The following THSD7B variants were observed in gnomAD, a reference collection of about 807,000 sequenced individuals.
The protein encoded by THSD7B is thrombospondin type-1 domain-containing protein 7B.
A neutral mutation model predicts 213.6 loss-of-function variants in THSD7B; 138 were observed. The observed-to-expected ratio is 0.65, with a 90% CI of 0.56 to 0.74. The LOEUF (loss-of-function observed/expected upper bound fraction) is 0.74, where lower values mean the gene tolerates loss of function less well. Among genes scored for constraint, THSD7B ranks in the 30% least tolerant of loss-of-function variants. The probability of loss-of-function intolerance (pLI) is 0.00; values close to 1 mark genes in which losing one functional copy is unlikely to be tolerated. For synonymous variants in THSD7B, 742 were observed against 687.0 expected (o/e 1.08, Z -1.25); for missense variants, 1,931 against 1,991.5 (o/e 0.97, Z 0.58).
chr2:137,345,364 A>T (rs141221523), intron 12 of THSD7B, among the ~76,000 whole-genome samples: 360 of 151,888 alleles, frequency 2.4e-3, no homozygotes, highest in African/African-American at 8.4e-3. Flanking sequence ...CTTCAGAGAC[A>T]TAAGGAAAAA....
chr2:137,384,244 T>A (rs895391994), intron 12 of THSD7B, among the ~76,000 whole-genome samples: 1 of 152,204 alleles, frequency 6.6e-6, no homozygotes, highest in African/African-American at 2.4e-5. Context: ...GTCACAGGCT[T>A]ATCTGTCCTG....
At chr2:137,097,808 A>ACACACACC (rs573904266) in intron 4 of THSD7B, among the ~76,000 whole-genome samples, 1 of 148,740 alleles carries the variant, frequency 6.7e-6, no homozygotes, top group African/African-American at 2.5e-5. Context: ...ACACACACAC[A>ACACACACC]CCTTTAAAAC....
At chr2:137,474,318 T>C (rs1340052915) in intron 15 of THSD7B, among the ~76,000 whole-genome samples, 1 of 152,188 alleles carries the variant, frequency 6.6e-6, no homozygotes, top group Non-Finnish European at 1.5e-5. Context: ...ATTTAAGTCA[T>C]TAGACCTGGA....
intron 1 of THSD7B, among the ~76,000 whole-genome samples, chr2:136,778,369 T>A (rs750346733): frequency 5.3e-5 from 8 of 152,288 alleles, no homozygotes; most frequent in Non-Finnish European, 1.2e-4. Context: ...CACGTCTCCC[T>A]CCCGTGACTC....
intron 12 of THSD7B, among the ~76,000 whole-genome samples, chr2:137,334,998 T>C (rs1027375493): frequency 6.6e-5 from 10 of 152,178 alleles, no homozygotes; most frequent in African/African-American, 2.2e-4. Context: ...ACTTCTGCCA[T>C]GATTGTAAGT....
intron 1 of THSD7B, among the ~76,000 whole-genome samples, chr2:136,823,186 A>T (rs1682593596): frequency 6.6e-6 from 1 of 152,216 alleles, no homozygotes; most frequent in African/African-American, 2.4e-5. Context: ...TTTCTCAAAG[A>T]TAAAGGCAAG....
chr2:137,089,418 A>AG (rs1687910482), intron 3 of THSD7B, among the ~76,000 whole-genome samples: 1 of 150,598 alleles, frequency 6.6e-6, no homozygotes, highest in African/African-American at 2.4e-5. Context: ...ACACACACAT[A>AG]TATGTATATA....
rs557308940 is a variant in THSD7B at position 137,598,146 on chromosome 2, A to G, written c.3424-18029A>G. On this transcript the variant is annotated intron_variant, in intron 17 of 27. Transcript: ENST00000409968. ...TATGCACATATGCATATTTTTAATA[A>G]AGATCTAACAAATTCCAAGACATTA... is the stretch of plus-strand genomic sequence containing the variant. 3.3e-5 allele frequency among the ~76,000 whole-genome samples: 5 copies of G among 152,208 alleles called. No homozygotes were observed. In the East Asian group the frequency reaches 9.7e-4, roughly 29 times the overall value.
intron 13 of THSD7B, 113 bp from the exon 14 acceptor site, chr2:137,411,496 C>G (rs1247782718): frequency 9.7e-7 from 1 of 1,030,448 alleles, no homozygotes; most frequent in Non-Finnish European, 1.4e-6. Context: ...GTGAAGAAAA[C>G]AAAGGCTTTA....
chr2:137,639,840 G>A (rs942256006), intron 20 of THSD7B, among the ~76,000 whole-genome samples: 1 of 152,174 alleles, frequency 6.6e-6, no homozygotes, highest in Non-Finnish European at 1.5e-5. Context: ...ATTTGGAATG[G>A]CTGTATTTTT....
In THSD7B at chr2:137,281,531, T is replaced by C. The variant is rs1406266792; in HGVS notation, c.2500+5505T>C. The stretch of plus-strand genomic sequence containing the variant: ...CACTAACTCGTCATCTAGCATTAGG[T>C]ATATCTCCCAATGCTATCCCCCCAC... On this transcript the variant is annotated intron_variant, in intron 12 of 27. Transcript: ENST00000409968. Among the ~76,000 whole-genome samples, 6 of 151,984 alleles carry C rather than the reference T, an allele frequency of 3.9e-5. No homozygotes were observed. The East Asian group carries it at 1.2e-3, about 29-fold the overall frequency.
intron 12 of THSD7B, among the ~76,000 whole-genome samples, chr2:137,317,211 C>A (rs1050760818): frequency 1.3e-5 from 2 of 152,112 alleles, no homozygotes; most frequent in Non-Finnish European, 2.9e-5. Flanking sequence ...TACTAATTAT[C>A]TGATCTATTT....
At chr2:137,060,122 C>G (rs1194332635) in intron 3 of THSD7B, among the ~76,000 whole-genome samples, 1 of 152,070 alleles carries the variant, frequency 6.6e-6, no homozygotes, top group Admixed American at 6.6e-5. Flanking sequence ...ACATGTGATG[C>G]TGAACATCTT....
chr2:137,437,021 G>A (rs905252240), intron 14 of THSD7B, among the ~76,000 whole-genome samples: 1 of 152,068 alleles, frequency 6.6e-6, no homozygotes, highest in Non-Finnish European at 1.5e-5. Context: ...GCAGCAAAAT[G>A]AATATTTGTG....
intron 12 of THSD7B, among the ~76,000 whole-genome samples, chr2:137,286,563 C>T (rs960542778): frequency 1.3e-5 from 2 of 152,072 alleles, no homozygotes; most frequent in Admixed American, 6.5e-5. Flanking sequence ...TATTTTCTGC[C>T]GTAGCCATCT....
intron 15 of THSD7B, among the ~76,000 whole-genome samples, chr2:137,459,823 C>T (rs908428305): frequency 2.0e-5 from 3 of 152,034 alleles, no homozygotes; most frequent in African/African-American, 7.2e-5. Context: ...AACAGCTTTC[C>T]AGGCACCTGC....
chr2:137,455,983 AAAGC>A (rs1687755215), intron 15 of THSD7B, among the ~76,000 whole-genome samples: 2 of 152,334 alleles, frequency 1.3e-5, no homozygotes, highest in Admixed American at 6.5e-5. Context: ...TATTAATTAC[AAAGC>A]ACATGTTCAG....
chr2:137,006,474 T>C (rs1335292688), intron 2 of THSD7B, among the ~76,000 whole-genome samples: 1 of 152,088 alleles, frequency 6.6e-6, no homozygotes. Flanking sequence ...GCATATACAT[T>C]TGGCTGTGAC....
At chr2:136,860,142 C>T (rs1000470453) in intron 1 of THSD7B, among the ~76,000 whole-genome samples, 27 of 151,206 alleles carry the variant, frequency 1.8e-4, no homozygotes, top group African/African-American at 3.9e-4. Flanking sequence ...CTCAGCCTCC[C>T]GAGTAGCTGA....
Sources: gnomAD v4.1 joint callset for allele counts (sites outside exome capture counted in the v4.1 genomes callset) on GRCh38, gnomAD v4.1.1 for gene constraint, MANE v1.5 for transcripts, NCBI Gene and HGNC (gene_info 2026-07-23, HGNC 2026-07-21) for gene names.